BET1: variants seen among roughly 807,000 people sequenced by gnomAD.
BET1 encodes the protein Bet1 golgi vesicular membrane trafficking protein.
A neutral mutation model predicts 13.9 loss-of-function variants in BET1; 9 were observed. That is an observed-to-expected ratio of 0.65 (90% CI 0.39 to 1.13). BET1 has a LOEUF of 1.13. Among genes scored for constraint, BET1 ranks in the 50% most tolerant of loss-of-function variants. The pLI, the probability that BET1 is intolerant of heterozygous loss-of-function variation, is 0.01. For missense variants in BET1, 127 were observed against 133.6 expected (o/e 0.95, Z 0.24); for synonymous variants, 39 against 47.3 (o/e 0.82, Z 0.72).
Position 94,004,342 on chromosome 7 carries a change from G to T in BET1, c.-126C>A, listed in dbSNP as rs1327916303. 1.5e-6 allele frequency: 2 copies of T among 1,319,610 alleles called. No homozygotes were observed. The highest frequency in any genetic ancestry group is 2.2e-6 in the Non-Finnish European group (2 of 920,756). The allele number at this position is 1,319,610 out of a possible 1,614,324, so 81.7% of individuals were successfully genotyped here. A position where few individuals can be genotyped will look rare whatever the true frequency, so the allele number is the denominator to read the frequency against. On this transcript the variant is annotated 5_prime_UTR_variant, in exon 1 of 4. Coordinates refer to ENST00000222547, the MANE Select transcript of BET1 (RefSeq NM_005868.6). ...AAACACCAACTTCTTCCCCTAAAGC[G>T]CCACGACATCAGTGGAGTCTAAACA...
At chr7:93,994,464 C>T in intron 3 of BET1, 79 bp from the exon 4 acceptor site, 2 of 1,375,202 alleles carry the variant, frequency 1.5e-6, no homozygotes, top group African/African-American at 2.9e-5. Context: ...AATTGAATAA[C>T]TGTTACCATA....
At chr7:93,967,902 A>G (rs1158283962) in intron 6 of BET1, among the ~76,000 whole-genome samples, 1 of 151,830 alleles carries the variant, frequency 6.6e-6, no homozygotes, top group Non-Finnish European at 1.5e-5. Flanking sequence ...CATAAAGGAA[A>G]CAACCAAATT....
intron 4 of BET1, among the ~76,000 whole-genome samples, chr7:93,984,083 C>T (rs1795479502): frequency 6.6e-6 from 1 of 152,186 alleles, no homozygotes; most frequent in Non-Finnish European, 1.5e-5. Flanking sequence ...CATGCTCTTT[C>T]TGAGAGCTCA....
intron 6 of BET1, among the ~76,000 whole-genome samples, chr7:93,966,655 T>C (rs1189680427): frequency 6.6e-6 from 1 of 151,852 alleles, no homozygotes; most frequent in African/African-American, 2.4e-5. Flanking sequence ...TCTAGTCCTT[T>C]AGTTCCTTTT....
Position 93,993,288 on chromosome 7 carries a change from C to G in BET1, c.*942G>C. 10 of 931,590 alleles carry G rather than the reference C, an allele frequency of 1.1e-5. No homozygotes were observed. The highest frequency in any genetic ancestry group is 1.3e-5 in the Non-Finnish European group (10 of 781,064). The allele number at this position is 931,590 out of a possible 1,614,324, so 57.7% of individuals were successfully genotyped here. A position where few individuals can be genotyped will look rare whatever the true frequency, so the allele number is the denominator to read the frequency against. On this transcript the variant is annotated 3_prime_UTR_variant, in exon 4 of 4. Transcript: ENST00000222547. Reference sequence around the variant, plus strand: ...TTTATTTAAAAATTTACTTTTGAAGCCTATAAATGGATAAATTCCAAAATA... The same window carrying G: ...TTTATTTAAAAATTTACTTTTGAAGGCTATAAATGGATAAATTCCAAAATA...
rs1795257269 is a variant in BET1, at chr7:93,971,451, C to G, written c.*137+1124G>C. On this transcript the variant is annotated intron_variant and NMD_transcript_variant, in intron 6 of 6. Transcript: ENST00000357520. ...GACAATTTAAGTCTACAGAGTTTTTCTTGGAATAACAGTTAATGCTGAAAT... is the reference window on the plus strand; with the variant it reads ...GACAATTTAAGTCTACAGAGTTTTTGTTGGAATAACAGTTAATGCTGAAAT... Among the ~76,000 whole-genome samples, 5 of 151,508 alleles carry G rather than the reference C, an allele frequency of 3.3e-5. No homozygotes were observed. In the South Asian group the frequency reaches 1.0e-3, roughly 32 times the overall value.
At chr7:93,986,990 C>A (rs1282616238) in intron 4 of BET1, among the ~76,000 whole-genome samples, 1 of 151,780 alleles carries the variant, frequency 6.6e-6, no homozygotes, top group Admixed American at 6.6e-5. Flanking sequence ...GTAGAACATA[C>A]CATGTAGGTT....
At chr7:93,988,205 A>G (rs2116090611) in intron 4 of BET1, among the ~76,000 whole-genome samples, 1 of 152,352 alleles carries the variant, frequency 6.6e-6, no homozygotes, top group African/African-American at 2.4e-5. Context: ...TGGAAAACAC[A>G]GGTGTTTAAC....
intron 6 of BET1, among the ~76,000 whole-genome samples, chr7:93,967,776 A>G (rs893415874): frequency 6.6e-6 from 1 of 151,834 alleles, no homozygotes; most frequent in Non-Finnish European, 1.5e-5. Flanking sequence ...AATTTATTAT[A>G]TAAACCATCA....
At chr7:93,963,476 T>C (rs1356659680) in exon 7 of BET1, 1 of 152,080 alleles carries the variant, frequency 6.6e-6, no homozygotes, top group African/African-American at 2.4e-5. Context: ...ATTTTATTTG[T>C]CCATTTTTTG....
At chr7:93,998,696 T>C (rs1394790223) in intron 2 of BET1, among the ~76,000 whole-genome samples, 1 of 150,034 alleles carries the variant, frequency 6.7e-6, no homozygotes, top group African/African-American at 2.5e-5. Context: ...CAAAACTCCA[T>C]CTCAAAAAAA....
At chr7:93,977,521 A>G (rs1795360241) in intron 4 of BET1, among the ~76,000 whole-genome samples, 1 of 152,170 alleles carries the variant, frequency 6.6e-6, no homozygotes, top group African/African-American at 2.4e-5. Context: ...ATTTTAAATT[A>G]TTTACTTAAT....
downstream of BET1, among the ~76,000 whole-genome samples, chr7:93,988,527 T>C (rs986511762): frequency 6.6e-6 from 1 of 152,228 alleles, no homozygotes; most frequent in African/African-American, 2.4e-5. Context: ...AAAACCCATC[T>C]TGAGTTTACC....
intron 6 of BET1, among the ~76,000 whole-genome samples, chr7:93,966,346 C>T (rs1197921515): frequency 6.6e-6 from 1 of 151,714 alleles, no homozygotes; most frequent in Admixed American, 6.6e-5. Context: ...TGTTTTTGTT[C>T]TGAAAATGCA....
chr7:93,987,433 G>A (rs1487402379), intron 4 of BET1, among the ~76,000 whole-genome samples: 3 of 152,170 alleles, frequency 2.0e-5, no homozygotes, highest in Non-Finnish European at 4.4e-5. Context: ...AGTTCTGCAT[G>A]TCTTGTTCCA....
At chr7:93,973,363 C>T (rs1217660716) in intron 5 of BET1, among the ~76,000 whole-genome samples, 1 of 151,878 alleles carries the variant, frequency 6.6e-6, no homozygotes, top group African/African-American at 2.4e-5. Flanking sequence ...ACATTGCTAG[C>T]TGATGACTAA....
intron 1 of BET1, chr7:94,000,185 A>C (rs1795867140): frequency 6.6e-6 from 1 of 151,788 alleles, no homozygotes; most frequent in African/African-American, 2.4e-5. Context: ...GCTCACTGCA[A>C]GCTCCGCCTC....
intron 4 of BET1, among the ~76,000 whole-genome samples, chr7:93,985,106 C>A (rs1234078032): frequency 1.3e-5 from 2 of 152,156 alleles, no homozygotes; most frequent in Non-Finnish European, 2.9e-5. Context: ...TCTCTGCCCT[C>A]CCCCACACTG....
chr7:93,966,358 A>G (rs922356807), intron 6 of BET1, among the ~76,000 whole-genome samples: 7 of 152,124 alleles, frequency 4.6e-5, no homozygotes, highest in Non-Finnish European at 8.8e-5. Flanking sequence ...GAAAATGCAA[A>G]TTTTGGTTCA....
Sources: gnomAD v4.1 joint callset for allele counts (sites outside exome capture counted in the v4.1 genomes callset) on GRCh38, gnomAD v4.1.1 for gene constraint, MANE v1.5 for transcripts, NCBI Gene and HGNC (gene_info 2026-07-23, HGNC 2026-07-21) for gene names.